The following SAMD5 variants were observed in gnomAD, a reference collection of about 807,000 sequenced individuals.
SAMD5 encodes the protein sterile alpha motif domain containing 5, also known as sterile alpha motif domain-containing protein 5.
SAMD5 carries 13 observed loss-of-function variants against 11.3 expected under a neutral mutation model. That is an observed-to-expected ratio of 1.15 (90% CI 0.75 to 1.83). The LOEUF is 1.83. SAMD5 is among the 40% of genes most tolerant of loss of function. SAMD5 has a pLI of 0.00. For synonymous variants in SAMD5, 129 were observed against 111.3 expected (o/e 1.16, Z -1.00); for missense variants, 255 against 239.1 (o/e 1.07, Z -0.44).
At chr6:147,690,416 T>C (rs1476973226) in intron 1 of SAMD5, among the ~76,000 whole-genome samples, 1 of 152,164 alleles carries the variant, frequency 6.6e-6, no homozygotes, top group African/African-American at 2.4e-5. Context: ...TTCCAACACT[T>C]TGGGAGGCTG....
At chr6:147,778,562 C>T in the SAMD5 span, among the ~76,000 whole-genome samples, 1 of 152,124 alleles carries the variant, frequency 6.6e-6, no homozygotes, top group African/African-American at 2.4e-5. Context: ...TCATCCCTTC[C>T]TTTTCTCTTT....
chr6:147,931,497 G>T, the SAMD5 span, among the ~76,000 whole-genome samples: 1 of 152,128 alleles, frequency 6.6e-6, no homozygotes, highest in Non-Finnish European at 1.5e-5. Flanking sequence ...CTGTCCTTAA[G>T]GGTAATTGTC....
intron 1 of SAMD5, among the ~76,000 whole-genome samples, chr6:147,600,709 G>A (rs1024959508): frequency 6.6e-6 from 1 of 152,134 alleles, no homozygotes; most frequent in Non-Finnish European, 1.5e-5. Flanking sequence ...AATGAGATGA[G>A]GCTTGTCAAG....
the SAMD5 span, among the ~76,000 whole-genome samples, chr6:147,782,262 G>A: frequency 1.3e-5 from 2 of 152,144 alleles, no homozygotes; most frequent in South Asian, 4.1e-4. Context: ...TCCACTTAGA[G>A]AATATGACAA....
chr6:147,853,375 G>C, the SAMD5 span, among the ~76,000 whole-genome samples: 1 of 151,970 alleles, frequency 6.6e-6, no homozygotes, highest in Non-Finnish European at 1.5e-5. Flanking sequence ...TCCAGAATGT[G>C]AGCCTGTGAA....
intron 1 of SAMD5, among the ~76,000 whole-genome samples, chr6:147,586,745 A>G (rs929929314): frequency 1.3e-5 from 2 of 151,868 alleles, no homozygotes; most frequent in African/African-American, 4.8e-5. Context: ...AAAAGCGCCT[A>G]CGGTAGCCAA....
At chr6:147,546,311 C>G (rs1007750763) in intron 1 of SAMD5, among the ~76,000 whole-genome samples, 1 of 152,128 alleles carries the variant, frequency 6.6e-6, no homozygotes, top group Non-Finnish European at 1.5e-5. Flanking sequence ...GGGTGGATCA[C>G]CTGAGGTTGG....
chr6:147,808,464 A>T, the SAMD5 span, among the ~76,000 whole-genome samples: 2 of 152,194 alleles, frequency 1.3e-5, no homozygotes, highest in Non-Finnish European at 2.9e-5. Context: ...TTGGCCTCCC[A>T]AAGTGGTGGG....
the SAMD5 span, among the ~76,000 whole-genome samples, chr6:147,916,023 A>T: frequency 1.3e-5 from 2 of 150,482 alleles, no homozygotes; most frequent in African/African-American, 4.9e-5. Context: ...TGTCCTTCTG[A>T]GAGTTTGCTG....
the SAMD5 span, among the ~76,000 whole-genome samples, chr6:147,766,762 A>T: frequency 2.0e-5 from 3 of 152,242 alleles, no homozygotes; most frequent in Non-Finnish European, 4.4e-5. Flanking sequence ...AGTTGACAGA[A>T]TGACACTTGT....
chr6:147,609,041 A>C (rs888710492), intron 1 of SAMD5, among the ~76,000 whole-genome samples: 1 of 152,204 alleles, frequency 6.6e-6, no homozygotes, highest in South Asian at 2.1e-4. Context: ...AATGGGTAAG[A>C]GTTACCTTTT....
At chr6:147,914,104 G>A in the SAMD5 span, among the ~76,000 whole-genome samples, 1 of 151,862 alleles carries the variant, frequency 6.6e-6, no homozygotes, top group Non-Finnish European at 1.5e-5. Flanking sequence ...CTTAGAATGA[G>A]GCCCAGCACA....
At chr6:147,763,941 C>G in the SAMD5 span, among the ~76,000 whole-genome samples, 1 of 152,156 alleles carries the variant, frequency 6.6e-6, no homozygotes, top group Non-Finnish European at 1.5e-5. Flanking sequence ...CCTGAAATGA[C>G]TGAGTCACTT....
At chr6:147,804,684 A>C in the SAMD5 span, among the ~76,000 whole-genome samples, 1 of 152,288 alleles carries the variant, frequency 6.6e-6, no homozygotes, top group East Asian at 1.9e-4. Flanking sequence ...AAAAAAAGGG[A>C]GGGGTAGTAT....
At chr6:147,861,034 C>G in the SAMD5 span, among the ~76,000 whole-genome samples, 1 of 152,164 alleles carries the variant, frequency 6.6e-6, no homozygotes, top group Non-Finnish European at 1.5e-5. Flanking sequence ...AAAAGGAAAG[C>G]AGAAATTAAG....
the SAMD5 span, among the ~76,000 whole-genome samples, chr6:147,823,818 G>A: frequency 1.3e-4 from 20 of 152,122 alleles, no homozygotes; most frequent in African/African-American, 4.1e-4. Flanking sequence ...CAGTAATGCC[G>A]ACAACATTAA....
intron 1 of SAMD5, among the ~76,000 whole-genome samples, chr6:147,724,100 T>C (rs1480177889): frequency 2.6e-5 from 4 of 152,162 alleles, no homozygotes; most frequent in Non-Finnish European, 4.4e-5. Context: ...CATCAGTTCT[T>C]CTAATGAGAG....
At chr6:147,592,212 C>T (rs1415231649) in intron 1 of SAMD5, among the ~76,000 whole-genome samples, 1 of 152,046 alleles carries the variant, frequency 6.6e-6, no homozygotes, top group Non-Finnish European at 1.5e-5. Context: ...TGGTCTCCAA[C>T]TGCTAGGCTC....
downstream of SAMD5, among the ~76,000 whole-genome samples, chr6:147,737,746 C>A (rs1366129417): frequency 7.3e-6 from 1 of 137,704 alleles, no homozygotes; most frequent in African/African-American, 2.7e-5. Flanking sequence ...CCCAATTCTC[C>A]CAACCAGCCT....
Sources: gnomAD v4.1 joint callset for allele counts (sites outside exome capture counted in the v4.1 genomes callset) on GRCh38, gnomAD v4.1.1 for gene constraint, MANE v1.5 for transcripts, NCBI Gene and HGNC (gene_info 2026-07-23, HGNC 2026-07-21) for gene names.